Variants in ACTR3C observed in about 807,000 individuals in gnomAD.
ACTR3C encodes the protein actin related protein 3C.
ACTR3C carries 18 observed loss-of-function variants against 26.3 expected under a neutral mutation model. That is an observed-to-expected ratio of 0.68 (90% CI 0.47 to 1.01). ACTR3C has a LOEUF of 1.01. Ranked by LOEUF, ACTR3C falls within the 50% of genes least tolerant of loss-of-function variation. The pLI is 0.00. For synonymous variants in ACTR3C, 55 were observed against 94.5 expected (o/e 0.58, Z 2.42); for missense variants, 184 against 250.7 (o/e 0.73, Z 1.80).
At chr7:150,223,294 A>G in the ACTR3C span, among the ~76,000 whole-genome samples, 1 of 152,124 alleles carries the variant, frequency 6.6e-6, no homozygotes, top group Non-Finnish European at 1.5e-5. Flanking sequence ...TGGATGTACC[A>G]TTATTAATTT....
At chr7:150,143,544 C>A in the ACTR3C span, among the ~76,000 whole-genome samples, 1 of 152,314 alleles carries the variant, frequency 6.6e-6, no homozygotes, top group African/African-American at 2.4e-5. Flanking sequence ...GACATGGAAC[C>A]TTCCCAGCTC....
the ACTR3C span, among the ~76,000 whole-genome samples, chr7:150,132,294 A>G: frequency 6.6e-6 from 1 of 152,358 alleles, no homozygotes; most frequent in East Asian, 1.9e-4. Context: ...GTCATGATAT[A>G]GGTTGCATAG....
At chr7:150,049,183 C>T in the ACTR3C span, among the ~76,000 whole-genome samples, 3,249 of 151,922 alleles carry the variant, frequency 0.021, 64 homozygotes, top group African/African-American at 0.075. Flanking sequence ...CGCTCCTCCG[C>T]TCCAGGCCCG....
At chr7:150,089,356 A>G in the ACTR3C span, among the ~76,000 whole-genome samples, 95 of 152,356 alleles carry the variant, frequency 6.2e-4, no homozygotes, top group African/African-American at 2.2e-3. Context: ...CATTAGCATC[A>G]GGAATGTGAG....
the ACTR3C span, among the ~76,000 whole-genome samples, chr7:150,170,608 C>T: frequency 6.6e-5 from 10 of 150,766 alleles, 1 homozygote; most frequent in South Asian, 2.1e-4. Flanking sequence ...CTTTGTGCCA[C>T]GTGTTATATT....
At chr7:150,159,723 G>C in the ACTR3C span, among the ~76,000 whole-genome samples, 4 of 152,160 alleles carry the variant, frequency 2.6e-5, no homozygotes, top group African/African-American at 4.8e-5. Flanking sequence ...ACGATGCCTT[G>C]CATTTACTGC....
At chr7:149,886,748 G>C in the ACTR3C span, among the ~76,000 whole-genome samples, 2 of 152,206 alleles carry the variant, frequency 1.3e-5, no homozygotes, top group African/African-American at 4.8e-5. Context: ...TTGAGCCCAG[G>C]AGTTCGAGAC....
chr7:150,207,302 T>G, the ACTR3C span, among the ~76,000 whole-genome samples: 1 of 152,202 alleles, frequency 6.6e-6, no homozygotes, highest in African/African-American at 2.4e-5. Context: ...TCAGTGTCCC[T>G]GGGTATTTTA....
At chr7:149,979,512 A>T in the ACTR3C span, among the ~76,000 whole-genome samples, 53 of 151,964 alleles carry the variant, frequency 3.5e-4, 1 homozygote, top group African/African-American at 1.2e-3. Flanking sequence ...CTTTAAAAGA[A>T]TCTCTAATTA....
the ACTR3C span, among the ~76,000 whole-genome samples, chr7:150,037,332 G>GGC: frequency 5.3e-4 from 22 of 41,506 alleles, 5 homozygotes; most frequent in African/African-American, 1.9e-3. Context: ...GTCCTAAGCC[G>GGC]GGGGGGGAAG....
the ACTR3C span, among the ~76,000 whole-genome samples, chr7:150,032,843 C>G: frequency 1.3e-5 from 2 of 151,904 alleles, no homozygotes; most frequent in South Asian, 2.1e-4. Context: ...TCACTGAGAG[C>G]TGAAAGAAAA....
the ACTR3C span, among the ~76,000 whole-genome samples, chr7:150,178,961 C>A: frequency 6.7e-6 from 1 of 150,314 alleles, no homozygotes; most frequent in East Asian, 1.9e-4. Context: ...CAGCAGCAGA[C>A]TACAGTTTAC....
chr7:149,983,449 G>GTATATATATATATATATATATATATA, the ACTR3C span, among the ~76,000 whole-genome samples: 1 of 23,306 alleles, frequency 4.3e-5, no homozygotes, highest in African/African-American at 1.5e-4. Context: ...GTGTGTGTGT[G>GTATATATATATATATATATATATATA]TATATATATA....
At chr7:150,150,779 G>C in the ACTR3C span, among the ~76,000 whole-genome samples, 1 of 136,854 alleles carries the variant, frequency 7.3e-6, no homozygotes, top group Non-Finnish European at 1.6e-5. Flanking sequence ...TTATCAATTT[G>C]CATGCTGTTG....
the ACTR3C span, among the ~76,000 whole-genome samples, chr7:150,194,199 A>G: frequency 2.0e-5 from 3 of 148,020 alleles, no homozygotes; most frequent in Non-Finnish European, 3.0e-5. Context: ...ATTATGCAAT[A>G]CCCCTATTTG....
At chr7:149,905,804 A>G in the ACTR3C span, among the ~76,000 whole-genome samples, 1 of 152,224 alleles carries the variant, frequency 6.6e-6, no homozygotes, top group African/African-American at 2.4e-5. Flanking sequence ...TCAAGGATCT[A>G]CGAAACAGAA....
chr7:150,140,483 G>A, the ACTR3C span, among the ~76,000 whole-genome samples: 1 of 152,126 alleles, frequency 6.6e-6, no homozygotes, highest in Non-Finnish European at 1.5e-5. Flanking sequence ...ATGAAAGTAA[G>A]AGTCGATCAG....
the ACTR3C span, among the ~76,000 whole-genome samples, chr7:150,015,585 G>A: frequency 6.6e-6 from 1 of 152,180 alleles, no homozygotes; most frequent in African/African-American, 2.4e-5. Flanking sequence ...CTTTCTGGAG[G>A]TTTTGACATG....
At chr7:149,975,377 G>C in the ACTR3C span, among the ~76,000 whole-genome samples, 1 of 152,016 alleles carries the variant, frequency 6.6e-6, no homozygotes, top group Non-Finnish European at 1.5e-5. Context: ...ACACAACATA[G>C]CAGAACTTAG....
Sources: gnomAD v4.1 joint callset for allele counts (sites outside exome capture counted in the v4.1 genomes callset) on GRCh38, gnomAD v4.1.1 for gene constraint, MANE v1.5 for transcripts, NCBI Gene and HGNC (gene_info 2026-07-23, HGNC 2026-07-21) for gene names.